Variants in SLC24A3 observed in about 807,000 individuals in gnomAD.
The protein encoded by SLC24A3 is sodium/potassium/calcium exchanger 3.
SLC24A3 carries 28 observed loss-of-function variants against 75.8 expected under a neutral mutation model. That is an observed-to-expected ratio of 0.37 (90% CI 0.27 to 0.51). The LOEUF is 0.51. Ranked by LOEUF, SLC24A3 falls within the 20% of genes least tolerant of loss-of-function variation. The pLI, the probability that SLC24A3 is intolerant of heterozygous loss-of-function variation, is 0.94. For missense variants in SLC24A3, 663 were observed against 847.8 expected (o/e 0.78, Z 2.71); for synonymous variants, 372 against 334.1 (o/e 1.11, Z -1.24).
intron 6 of SLC24A3, among the ~76,000 whole-genome samples, chr20:19,651,113 CAT>C (rs1309470443): frequency 6.6e-6 from 1 of 151,990 alleles, no homozygotes; most frequent in African/African-American, 2.4e-5. Flanking sequence ...TTTATTGTAA[CAT>C]AATTATATGT....
intron 2 of SLC24A3, among the ~76,000 whole-genome samples, chr20:19,378,315 G>A (rs1010591769): frequency 6.6e-5 from 10 of 152,152 alleles, no homozygotes; most frequent in African/African-American, 1.4e-4. Context: ...AGTTATCCAG[G>A]CCACTGTAAA....
At chr20:19,484,380 T>G (rs1287159310) in intron 2 of SLC24A3, among the ~76,000 whole-genome samples, 2 of 152,220 alleles carry the variant, frequency 1.3e-5, no homozygotes, top group Non-Finnish European at 2.9e-5. Flanking sequence ...TGAGGTCAGG[T>G]GTGAGATTTT....
At chr20:19,338,123 G>A (rs1208268712) in intron 2 of SLC24A3, among the ~76,000 whole-genome samples, 1 of 152,132 alleles carries the variant, frequency 6.6e-6, no homozygotes, top group Non-Finnish European at 1.5e-5. Flanking sequence ...CACCAAGATG[G>A]TAAAAAATAT....
chr20:19,622,840 C>T (rs1643804922), intron 6 of SLC24A3, among the ~76,000 whole-genome samples: 1 of 152,104 alleles, frequency 6.6e-6, no homozygotes, highest in African/African-American at 2.4e-5. Context: ...GTGAGGGCTT[C>T]AAGGAACTTC....
At chr20:19,689,541 T>C (rs1052846047) in intron 12 of SLC24A3, among the ~76,000 whole-genome samples, 1 of 152,210 alleles carries the variant, frequency 6.6e-6, no homozygotes, top group African/African-American at 2.4e-5. Flanking sequence ...CCCCAGGACC[T>C]GCAGCAGTGC....
intron 11 of SLC24A3, 111 bp from the exon 12 acceptor site, chr20:19,684,989 T>G (rs2032656935): frequency 7.3e-7 from 1 of 1,377,462 alleles, no homozygotes; most frequent in Non-Finnish European, 9.8e-7. Context: ...TCCAGGGTCT[T>G]CTGGAAGCAT....
At chr20:19,244,228 T>A (rs1982417600) in intron 1 of SLC24A3, 1 of 152,202 alleles carries the variant, frequency 6.6e-6, no homozygotes, top group Admixed American at 6.5e-5. Context: ...CTTTAGTGCC[T>A]TATGAGTAGA....
chr20:19,585,769 T>C (rs1338789031), intron 6 of SLC24A3, among the ~76,000 whole-genome samples: 2 of 152,164 alleles, frequency 1.3e-5, no homozygotes, highest in African/African-American at 2.4e-5. Flanking sequence ...TATAGAATGC[T>C]CAGGTCCACA....
At chr20:19,542,893 T>G (rs1480546528) in intron 3 of SLC24A3, among the ~76,000 whole-genome samples, 2 of 152,170 alleles carry the variant, frequency 1.3e-5, no homozygotes, top group African/African-American at 4.8e-5. Flanking sequence ...CTAATTCTCC[T>G]TAACAGAGTG....
At chr20:19,568,050 A>G (rs1301539191) in intron 3 of SLC24A3, among the ~76,000 whole-genome samples, 1 of 152,222 alleles carries the variant, frequency 6.6e-6, no homozygotes, top group Non-Finnish European at 1.5e-5. Context: ...AAAATCAGTA[A>G]TCATTAGGAA....
intron 2 of SLC24A3, among the ~76,000 whole-genome samples, chr20:19,452,318 G>C (rs1987496823): frequency 6.6e-6 from 1 of 151,410 alleles, no homozygotes. Flanking sequence ...ATTACAACTT[G>C]TTAATGGCAA....
At chr20:19,257,136 T>G (rs1406102950) in intron 1 of SLC24A3, among the ~76,000 whole-genome samples, 2 of 152,202 alleles carry the variant, frequency 1.3e-5, no homozygotes, top group African/African-American at 4.8e-5. Flanking sequence ...TGGGTCTTTT[T>G]GAAAACCATT....
chr20:19,713,537 A>G (rs138568738), intron 15 of SLC24A3, among the ~76,000 whole-genome samples: 158 of 152,256 alleles, frequency 1.0e-3, no homozygotes, highest in African/African-American at 3.7e-3. Context: ...GACATGCCTT[A>G]TTCATTCATC....
chr20:19,609,408 T>A (rs1298029026), intron 6 of SLC24A3, among the ~76,000 whole-genome samples: 1 of 152,164 alleles, frequency 6.6e-6, no homozygotes, highest in African/African-American at 2.4e-5. Flanking sequence ...ATTTATTTAT[T>A]TTTTAATTTT....
chr20:19,690,911 G>A (rs2122130741), intron 12 of SLC24A3, among the ~76,000 whole-genome samples: 1 of 152,134 alleles, frequency 6.6e-6, no homozygotes, highest in Non-Finnish European at 1.5e-5. Context: ...CTTGTAAATT[G>A]GATAGCCTTA....
intron 2 of SLC24A3, among the ~76,000 whole-genome samples, chr20:19,506,657 T>C (rs1030280548): frequency 2.0e-5 from 3 of 152,152 alleles, no homozygotes; most frequent in Non-Finnish European, 2.9e-5. Flanking sequence ...TTTTCAATAC[T>C]TGATAAAGGT....
chr20:19,523,925 T>C (rs1422739136), intron 3 of SLC24A3, among the ~76,000 whole-genome samples: 6 of 152,272 alleles, frequency 3.9e-5, no homozygotes, highest in Non-Finnish European at 7.4e-5. Flanking sequence ...TTCTGGACCC[T>C]CACATCCTAT....
chr20:19,422,071 T>C (rs909603260), intron 2 of SLC24A3, among the ~76,000 whole-genome samples: 2 of 152,076 alleles, frequency 1.3e-5, no homozygotes, highest in Non-Finnish European at 1.5e-5. Flanking sequence ...GGGTCACTCC[T>C]GGGGTGCTGA....
At chr20:19,476,270 C>T (rs967489511) in intron 2 of SLC24A3, among the ~76,000 whole-genome samples, 2 of 152,188 alleles carry the variant, frequency 1.3e-5, no homozygotes, top group African/African-American at 4.8e-5. Context: ...GAGCTTGCCT[C>T]AGGTGTAAAT....
Sources: gnomAD v4.1 joint callset for allele counts (sites outside exome capture counted in the v4.1 genomes callset) on GRCh38, gnomAD v4.1.1 for gene constraint, MANE v1.5 for transcripts, NCBI Gene and HGNC (gene_info 2026-07-23, HGNC 2026-07-21) for gene names.